ACSM3: variants seen among roughly 807,000 people sequenced by gnomAD.
ACSM3 encodes acyl-CoA synthetase medium chain family member 3.
In ACSM3, 61 loss-of-function variants were observed where a neutral mutation model predicts 74.1. The observed-to-expected ratio is 0.82, with a 90% CI of 0.67 to 1.02. The LOEUF (loss-of-function observed/expected upper bound fraction) is 1.02, where lower values mean the gene tolerates loss of function less well. Ranked by LOEUF, ACSM3 falls within the 50% of genes least tolerant of loss-of-function variation. ACSM3 has a pLI of 0.00. For synonymous variants in ACSM3, 213 were observed against 241.5 expected, an observed-to-expected ratio of 0.88 and a Z score of 1.09; for missense variants, 660 against 697.0, an observed-to-expected ratio of 0.95 and a Z score of 0.60.
At chr16:20,729,253 CA>C in intron 1 of ACSM3, 5 of 1,113,086 alleles carry the variant, frequency 4.5e-6, no homozygotes, top group Non-Finnish European at 6.9e-6. Context: ...AAACTGCTGC[CA>C]CGGTAAGGGG....
intron 7 of ACSM3, among the ~76,000 whole-genome samples, chr16:20,782,607 C>T (rs1056428587): frequency 2.0e-5 from 3 of 152,142 alleles, no homozygotes; most frequent in African/African-American, 7.2e-5. Flanking sequence ...ACATTATCTC[C>T]GTGGAGGCAG....
intron 1 of ACSM3, chr16:20,737,374 A>G: frequency 3.0e-6 from 4 of 1,330,134 alleles, no homozygotes; most frequent in Non-Finnish European, 4.1e-6. Context: ...GTTTCTTGTT[A>G]AAACAAGACA....
chr16:20,707,916 A>T (rs1393502785), intron 1 of ACSM3, among the ~76,000 whole-genome samples: 2 of 152,238 alleles, frequency 1.3e-5, no homozygotes, highest in Admixed American at 6.5e-5. Flanking sequence ...TGTCTGAAAA[A>T]AATTCAAAAT....
At chr16:20,729,392 T>C in intron 1 of ACSM3, 1 of 1,183,848 alleles carries the variant, frequency 8.4e-7, no homozygotes, top group Middle Eastern at 1.9e-4. Flanking sequence ...AGGCAAGGAT[T>C]GACAGGGGGG....
Position 20,792,465 on chromosome 16 carries a change from G to C in ACSM3, c.1554+130G>C, listed in dbSNP as rs376252343. 7 of 1,515,144 alleles carry C rather than the reference G, an allele frequency of 4.6e-6. No homozygotes were observed. In the East Asian group the frequency reaches 9.3e-5, roughly 20 times the overall value. The allele number at this position is 1,515,144 out of a possible 1,614,324, so 93.9% of individuals were successfully genotyped here. On this transcript the variant is annotated intron_variant, in intron 12 of 13. Coordinates refer to ENST00000289416, the MANE Select transcript of ACSM3 (RefSeq NM_005622.4). The stretch of plus-strand genomic sequence containing the variant: ...AAATATGCAAGTCAGATAGAAATAT[G>C]CTAGTCAGAAAGAACTGCTACAAAA...
At chr16:20,738,956 CT>C (rs1429865683) in intron 1 of ACSM3, 1 of 1,614,192 alleles carries the variant, frequency 6.2e-7, no homozygotes, top group Non-Finnish European at 8.5e-7. Flanking sequence ...TGACTGGAAT[CT>C]TCTTAACCTC....
intron 1 of ACSM3, among the ~76,000 whole-genome samples, chr16:20,748,335 A>G (rs923809104): frequency 3.3e-5 from 5 of 152,148 alleles, no homozygotes; most frequent in Non-Finnish European, 7.4e-5. Context: ...ACAGCATTCA[A>G]TGTATAGATG....
intron 1 of ACSM3, chr16:20,729,372 C>T: frequency 1.5e-6 from 2 of 1,342,436 alleles, no homozygotes; most frequent in Non-Finnish European, 2.1e-6. Flanking sequence ...GTAGATTTGC[C>T]ACTCTTAAGA....
intron 1 of ACSM3, among the ~76,000 whole-genome samples, chr16:20,722,933 C>A (rs1253526809): frequency 6.6e-6 from 1 of 152,118 alleles, no homozygotes; most frequent in East Asian, 1.9e-4. Flanking sequence ...GGTACATGTG[C>A]ACAACGTGCA....
intron 1 of ACSM3, among the ~76,000 whole-genome samples, chr16:20,719,018 C>T (rs1201402898): frequency 6.6e-6 from 1 of 152,196 alleles, no homozygotes; most frequent in Non-Finnish European, 1.5e-5. Flanking sequence ...CAAACCCAGC[C>T]TCCCACTCTA....
At chr16:20,685,833 A>C (rs2079541863) in intron 1 of ACSM3, among the ~76,000 whole-genome samples, 1 of 80,934 alleles carries the variant, frequency 1.2e-5, no homozygotes, top group South Asian at 4.4e-4. Flanking sequence ...AAAAAAAAAC[A>C]AACAAAAAAA....
intron 1 of ACSM3, among the ~76,000 whole-genome samples, chr16:20,692,696 A>G (rs2079665515): frequency 6.6e-6 from 1 of 152,206 alleles, no homozygotes; most frequent in Non-Finnish European, 1.5e-5. Flanking sequence ...GGCAATTTCA[A>G]GGTATGGCAA....
intron 1 of ACSM3, chr16:20,741,403 CCGA>C: frequency 7.2e-7 from 1 of 1,381,638 alleles, no homozygotes; most frequent in Non-Finnish European, 9.6e-7. Context: ...AGCCGTCACG[CCGA>C]CGACCCGAGG....
At chr16:20,741,479 C>CGGGGGGGGGGGGGGGG in intron 1 of ACSM3, 73 of 1,329,482 alleles carry the variant, frequency 5.5e-5, no homozygotes, top group Middle Eastern at 2.9e-4. Flanking sequence ...GCCTGGCAGC[C>CGGGGGGGGGGGGGGGG]GGCCCGCCCG....
chr16:20,688,642 A>T (rs1262247030), intron 1 of ACSM3, among the ~76,000 whole-genome samples: 2 of 152,126 alleles, frequency 1.3e-5, no homozygotes, highest in Non-Finnish European at 2.9e-5. Flanking sequence ...TTAAAGAAAA[A>T]AAAAGCCAAC....
chr16:20,677,876 A>G (rs2152294391), intron 1 of ACSM3, among the ~76,000 whole-genome samples: 1 of 152,224 alleles, frequency 6.6e-6, no homozygotes, highest in African/African-American at 2.4e-5. Flanking sequence ...AAGAAAAAAA[A>G]GGCTTTTAAC....
intron 1 of ACSM3, among the ~76,000 whole-genome samples, chr16:20,764,338 C>CAGTTG (rs2080102789): frequency 6.6e-6 from 1 of 152,200 alleles, no homozygotes; most frequent in African/African-American, 2.4e-5. Flanking sequence ...ATAAATGTAG[C>CAGTTG]AGCTGAGTTT....
At chr16:20,750,383 T>C (rs1464234311) in intron 2 of ACSM3, among the ~76,000 whole-genome samples, 1 of 152,212 alleles carries the variant, frequency 6.6e-6, no homozygotes, top group Non-Finnish European at 1.5e-5. Flanking sequence ...GGTGAGGCTA[T>C]TGAAATGTGG....
intron 1 of ACSM3, chr16:20,739,170 G>A (rs1413736500): frequency 2.3e-5 from 27 of 1,169,656 alleles, no homozygotes; most frequent in Non-Finnish European, 3.0e-5. Context: ...AGGTGGCTCA[G>A]TATTGATTTT....
Sources: allele counts gnomAD v4.1 joint callset (sites outside exome capture counted in the v4.1 genomes callset), GRCh38; gene constraint gnomAD v4.1.1; transcripts MANE v1.5; gene names NCBI Gene and HGNC (gene_info 2026-07-23, HGNC 2026-07-21).